Variants in THSD4 observed in about 807,000 individuals in gnomAD.
THSD4 encodes the protein thrombospondin type 1 domain containing 4.
In THSD4, 69 loss-of-function variants were observed where a neutral mutation model predicts 119.0. The observed-to-expected ratio is 0.58, with a 90% confidence interval of 0.48 to 0.71. The LOEUF (loss-of-function observed/expected upper bound fraction) is 0.71, where lower values mean the gene tolerates loss of function less well. Among genes scored for constraint, THSD4 ranks in the 30% least tolerant of loss-of-function variants. The probability of loss-of-function intolerance (pLI) is 0.00; values close to 1 mark genes in which losing one functional copy is unlikely to be tolerated. For synonymous variants in THSD4, 524 were observed against 540.4 expected (o/e 0.97, Z 0.42); for missense variants, 1,393 against 1,391.1 (o/e 1.00, Z -0.02).
At chr15:71,759,450 T>G (rs2053595773) in intron 15 of THSD4, among the ~76,000 whole-genome samples, 1 of 152,208 alleles carries the variant, frequency 6.6e-6, no homozygotes, top group Admixed American at 6.5e-5. Context: ...GTTACGAGGT[T>G]TTCATAAGAT....
chr15:71,655,809 A>G (rs1261116802), intron 7 of THSD4, among the ~76,000 whole-genome samples: 1 of 152,226 alleles, frequency 6.6e-6, no homozygotes, highest in Non-Finnish European at 1.5e-5. Context: ...CGTCCCTATC[A>G]GCGACCAATT....
intron 6 of THSD4, among the ~76,000 whole-genome samples, chr15:71,386,991 A>G (rs778909802): frequency 2.6e-5 from 4 of 152,220 alleles, no homozygotes; most frequent in Admixed American, 6.5e-5. Flanking sequence ...TTTAGGAGGC[A>G]AGGTTTCCGG....
intron 7 of THSD4, among the ~76,000 whole-genome samples, chr15:71,473,568 T>C (rs2047614046): frequency 6.6e-6 from 1 of 152,180 alleles, no homozygotes; most frequent in African/African-American, 2.4e-5. Context: ...ATGCCTAACA[T>C]GCTCATATCA....
At chr15:71,168,703 G>A (rs773834387) in intron 3 of THSD4, among the ~76,000 whole-genome samples, 1 of 152,168 alleles carries the variant, frequency 6.6e-6, no homozygotes, top group Non-Finnish European at 1.5e-5. Flanking sequence ...CTATTAATGC[G>A]GTAGGATGTG....
intron 3 of THSD4, among the ~76,000 whole-genome samples, chr15:71,167,772 A>T (rs188235933): frequency 1.3e-5 from 2 of 152,240 alleles, no homozygotes; most frequent in African/African-American, 4.8e-5. Context: ...TTTAGTATGT[A>T]TATGAAAACT....
At chr15:71,430,693 GT>G (rs1231677749) in intron 7 of THSD4, among the ~76,000 whole-genome samples, 1 of 139,624 alleles carries the variant, frequency 7.2e-6, no homozygotes, top group Non-Finnish European at 1.5e-5. Context: ...GGAGGTGGAG[GT>G]TGCAGTGAGC....
chr15:71,160,431 G>A (rs2043239714), intron 3 of THSD4, among the ~76,000 whole-genome samples: 2 of 151,438 alleles, frequency 1.3e-5, no homozygotes, highest in Admixed American at 6.6e-5. Context: ...ATACAGCAGT[G>A]AAGCTATCTG....
At chr15:71,486,913 AC>A in intron 7 of THSD4, among the ~76,000 whole-genome samples, 1 of 152,128 alleles carries the variant, frequency 6.6e-6, no homozygotes, top group Non-Finnish European at 1.5e-5. Context: ...ATTTATGTTA[AC>A]TAAGCTTTTG....
At chr15:71,173,246 A>G (rs1057377994) in intron 3 of THSD4, among the ~76,000 whole-genome samples, 1 of 152,262 alleles carries the variant, frequency 6.6e-6, no homozygotes, top group South Asian at 2.1e-4. Context: ...TCTGAAAAGC[A>G]AATAAAGTAA....
At chr15:71,365,057 CA>C (rs1056008386) in intron 6 of THSD4, among the ~76,000 whole-genome samples, 50 of 151,258 alleles carry the variant, frequency 3.3e-4, no homozygotes, top group African/African-American at 1.2e-3. Context: ...AGAGATGATA[CA>C]AAAATCATTT....
intron 6 of THSD4, among the ~76,000 whole-genome samples, chr15:71,264,188 G>T (rs943078533): frequency 2.0e-5 from 3 of 152,226 alleles, no homozygotes; most frequent in Non-Finnish European, 4.4e-5. Flanking sequence ...ACTAAGTGCT[G>T]GTGGACCTGG....
intron 6 of THSD4, among the ~76,000 whole-genome samples, chr15:71,354,600 G>C: frequency 6.6e-6 from 1 of 152,280 alleles, no homozygotes; most frequent in South Asian, 2.1e-4. Flanking sequence ...GAAGGAGCTT[G>C]GTTCATGAGG....
At chr15:71,447,901 A>C (rs2047209690) in intron 7 of THSD4, among the ~76,000 whole-genome samples, 1 of 151,960 alleles carries the variant, frequency 6.6e-6, no homozygotes, top group African/African-American at 2.4e-5. Flanking sequence ...TGGCTCTTCC[A>C]CCTCCTGAGT....
chr15:71,327,052 A>G (rs1432052088), intron 6 of THSD4, among the ~76,000 whole-genome samples: 2 of 151,464 alleles, frequency 1.3e-5, no homozygotes, highest in East Asian at 3.9e-4. Context: ...CTGTAATCCG[A>G]GCTACTCGGG....
At chr15:71,352,099 G>A (rs1241737978) in intron 6 of THSD4, among the ~76,000 whole-genome samples, 1 of 152,192 alleles carries the variant, frequency 6.6e-6, no homozygotes, top group African/African-American at 2.4e-5. Context: ...AGACTGCCAT[G>A]TCCATTTATT....
chr15:71,399,849 G>A (rs1022987446), intron 6 of THSD4, among the ~76,000 whole-genome samples: 6 of 152,142 alleles, frequency 3.9e-5, no homozygotes, highest in African/African-American at 7.2e-5. Context: ...TCTGATGTAC[G>A]TTAGAGTTTG....
intron 7 of THSD4, among the ~76,000 whole-genome samples, chr15:71,601,170 C>G (rs571498315): frequency 2.0e-5 from 3 of 152,306 alleles, no homozygotes; most frequent in Non-Finnish European, 4.4e-5. Context: ...TGAGTCCAGG[C>G]TCATGTGATG....
In THSD4 at chr15:71,527,708, C is replaced by CTTTTTTTTT. The variant is rs10635101; in HGVS notation, c.1152+115899_1152+115907dup. Among the ~76,000 whole-genome samples the CTTTTTTTTT allele has an allele frequency of 5.4e-4, 43 of 79,746 alleles. 2 individuals carry two copies. Among genetic ancestry groups the CTTTTTTTTT allele is most frequent in the Non-Finnish European group, 6.6e-4 (27 of 40,648 alleles). 52.3% of individuals were successfully genotyped at this position (79,746 alleles called of 152,430 possible). A position where few individuals can be genotyped will look rare whatever the true frequency, so the allele number is the denominator to read the frequency against. ...GATTTTTTTTCCCCATGTTTATCCT[C>CTTTTTTTTT]TTTTTTTTTTTTTTTTTTTTTTGAG... On this transcript the variant is annotated intron_variant, in intron 7 of 17. Transcript: ENST00000261862.
At chr15:71,163,902 A>G (rs897403445) in intron 3 of THSD4, among the ~76,000 whole-genome samples, 12 of 150,414 alleles carry the variant, frequency 8.0e-5, no homozygotes, top group South Asian at 4.3e-4. Context: ...GAACTGCAAA[A>G]TATAACTGCC....
Sources: allele counts gnomAD v4.1 joint callset (sites outside exome capture counted in the v4.1 genomes callset), GRCh38; gene constraint gnomAD v4.1.1; transcripts MANE v1.5; gene names NCBI Gene and HGNC (gene_info 2026-07-23, HGNC 2026-07-21).